ACACA: variants seen among roughly 807,000 people sequenced by gnomAD.
ACACA encodes the protein acetyl-CoA carboxylase 1.
Under a neutral mutation model 296.1 loss-of-function variants are expected in ACACA, and 103 were observed. The observed-to-expected ratio is 0.35, with a 90% CI of 0.30 to 0.41. The LOEUF (loss-of-function observed/expected upper bound fraction) is 0.41. ACACA is among the 10% of genes least tolerant of loss of function. ACACA has a pLI of 1.00. For missense variants in ACACA, 1,554 were observed against 2,989.7 expected, an observed-to-expected ratio of 0.52 and a Z score of 11.20; for synonymous variants, 953 against 1,038.6, an observed-to-expected ratio of 0.92 and a Z score of 1.58.
chr17:37,164,893 G>A (rs2076603525), intron 41 of ACACA, among the ~76,000 whole-genome samples: 1 of 152,120 alleles, frequency 6.6e-6, no homozygotes, highest in Admixed American at 6.5e-5. Context: ...GTGTGCTAAT[G>A]TAAACATTGT....
intron 1 of ACACA, among the ~76,000 whole-genome samples, chr17:37,375,234 C>T (rs2049955045): frequency 1.3e-5 from 2 of 151,812 alleles, no homozygotes; most frequent in South Asian, 4.2e-4. Flanking sequence ...TGCCTGTAAT[C>T]CCAGCACTTC....
chr17:37,370,372 C>G (rs888743452), intron 1 of ACACA, among the ~76,000 whole-genome samples: 3 of 150,972 alleles, frequency 2.0e-5, no homozygotes, highest in African/African-American at 4.9e-5. Flanking sequence ...CCAGCCCAGA[C>G]GCGGTGGCTC....
Position 37,297,595 on chromosome 17 carries a change from T to C in ACACA, c.339-12625A>G, listed in dbSNP as rs1444334456. ...TTCGCTCTTGTCACCCAGACTGGAG[T>C]GTGATGGCGTGATCTCTGCTCACTG... On this transcript the variant is annotated intron_variant, in intron 3 of 55. Transcript: ENST00000616317. Among the ~76,000 whole-genome samples, 4 of 151,384 alleles carry C rather than the reference T, an allele frequency of 2.6e-5. No individual in the cohort carries two copies. The East Asian group carries it at 5.8e-4, about 22-fold the overall frequency.
In ACACA at chr17:37,358,267, C is replaced by T. The variant is rs537940429; in HGVS notation, c.39-18417G>A. 7.9e-5 allele frequency among the ~76,000 whole-genome samples: 12 copies of T among 152,294 alleles called. No homozygotes were observed. In the East Asian group the frequency reaches 2.3e-3, roughly 29 times the overall value. ...ACTCTCAAATCCAAAATAATGTTGG[C>T]CCCGATCCGGGCAGGACCTTCACGC... On this transcript the variant is annotated intron_variant, in intron 1 of 55. Coordinates refer to ENST00000616317, the MANE Select transcript of ACACA (RefSeq NM_198834.3).
intron 2 of ACACA, among the ~76,000 whole-genome samples, chr17:37,336,481 T>G (rs968075018): frequency 2.0e-5 from 3 of 152,084 alleles, no homozygotes; most frequent in African/African-American, 7.2e-5. Flanking sequence ...AATCAGATAC[T>G]AAAGAGAGCT....
chr17:37,390,304 T>TTTTA (rs1201500381), intron 1 of ACACA, among the ~76,000 whole-genome samples: 21 of 17,976 alleles, frequency 1.2e-3, no homozygotes, highest in African/African-American at 6.9e-3. Context: ...TTATACATAA[T>TTTTA]TATATATATA....
intron 42 of ACACA, among the ~76,000 whole-genome samples, chr17:37,157,109 T>G (rs1430960070): frequency 6.6e-6 from 1 of 152,140 alleles, no homozygotes; most frequent in Non-Finnish European, 1.5e-5. Flanking sequence ...GGAATAACGT[T>G]TAAGGAAAAC....
At chr17:37,277,532 C>T (rs1311865805) in intron 6 of ACACA, among the ~76,000 whole-genome samples, 1 of 152,154 alleles carries the variant, frequency 6.6e-6, no homozygotes, top group Non-Finnish European at 1.5e-5. Context: ...AAGGTACCTA[C>T]CCTAAACTTA....
intron 39 of ACACA, among the ~76,000 whole-genome samples, chr17:37,182,056 C>A (rs2077347689): frequency 6.6e-6 from 1 of 152,010 alleles, no homozygotes; most frequent in Non-Finnish European, 1.5e-5. Context: ...GTCTGAGCAG[C>A]CCTGGTATTG....
At chr17:37,331,850 T>G (rs1210221206) in intron 2 of ACACA, among the ~76,000 whole-genome samples, 1 of 152,122 alleles carries the variant, frequency 6.6e-6, no homozygotes, top group African/African-American at 2.4e-5. Flanking sequence ...CCTATGAATT[T>G]TACGTATGTG....
chr17:37,112,964 A>C, intron 51 of ACACA, 124 bp downstream of exon 51: 1 of 1,199,828 alleles, frequency 8.3e-7, no homozygotes, highest in Admixed American at 2.0e-5. Context: ...TGGAAGGAAA[A>C]AGCTTTGGTT....
At chr17:37,093,962 T>G (rs569438807) in intron 54 of ACACA, among the ~76,000 whole-genome samples, 1 of 152,172 alleles carries the variant, frequency 6.6e-6, no homozygotes, top group Non-Finnish European at 1.5e-5. Flanking sequence ...ACCCACATTC[T>G]CATTGTTCCA....
At chr17:37,279,209 T>C (rs1200435938) in intron 5 of ACACA, among the ~76,000 whole-genome samples, 5 of 152,082 alleles carry the variant, frequency 3.3e-5, no homozygotes, top group Non-Finnish European at 5.9e-5. Context: ...AAAATTCTAC[T>C]AAAAAAAATT....
chr17:37,327,738 T>G (rs2047686122), intron 3 of ACACA, among the ~76,000 whole-genome samples: 1 of 152,188 alleles, frequency 6.6e-6, no homozygotes, highest in Admixed American at 6.5e-5. Context: ...TGCTGTGTGG[T>G]TTTATGGATT....
At chr17:37,244,453 A>T in intron 21 of ACACA, 135 bp downstream of exon 21, 5 of 1,023,108 alleles carry the variant, frequency 4.9e-6, no homozygotes, top group Non-Finnish European at 7.6e-6. Context: ...CAAGTCCCAC[A>T]ACTGAAGGTG....
At chr17:37,358,605 C>G (rs1472124113) in intron 1 of ACACA, among the ~76,000 whole-genome samples, 1 of 152,230 alleles carries the variant, frequency 6.6e-6, no homozygotes, top group Admixed American at 6.5e-5. Flanking sequence ...ACGTGGTCTT[C>G]TCCCTCTCCC....
intron 1 of ACACA, chr17:37,365,429 G>A: frequency 1.0e-6 from 1 of 984,802 alleles, no homozygotes; most frequent in Non-Finnish European, 1.2e-6. Context: ...CTGAAATAAA[G>A]ATTAGCTCTG....
At position 37,259,522 on chromosome 17, in the gene ACACA, C is replaced by T. The variant is rs1453662580; in HGVS notation, c.1338G>A (p.Val446=). 2 of 1,614,092 alleles carry T rather than the reference C, an allele frequency of 1.2e-6. No individual in the cohort carries two copies. Among genetic ancestry groups the T allele is most frequent in the East Asian group, 4.5e-5 (2 of 44,888 alleles). The stretch of plus-strand genomic sequence containing the variant: ...CATAACCCACCATTTTGGCAAGTTT[C>T]ACCGCACACTCAAAGAAGAGAGATA... ...AVFEHMEQCA[V]KLAKMVGYVS... Residue 446 remains valine (V), a synonymous_variant, in exon 12 of 56, where the codon GTG becomes GTA. Coordinates refer to ENST00000616317, the MANE Select transcript of ACACA (RefSeq NM_198834.3).
At chr17:37,350,263 C>T (rs2048835384) in intron 1 of ACACA, among the ~76,000 whole-genome samples, 1 of 150,616 alleles carries the variant, frequency 6.6e-6, no homozygotes, top group Non-Finnish European at 1.5e-5. Flanking sequence ...TCCAGGAGGT[C>T]GAGGCTGCAG....
Sources: allele counts gnomAD v4.1 joint callset (sites outside exome capture counted in the v4.1 genomes callset), GRCh38; gene constraint gnomAD v4.1.1; transcripts MANE v1.5; gene names NCBI Gene and HGNC (gene_info 2026-07-23, HGNC 2026-07-21).